Variants in UMAD1 observed in about 807,000 individuals in gnomAD.
The protein encoded by UMAD1 is UBAP1-MVB12-associated (UMA) domain containing 1.
A neutral mutation model predicts 6.1 loss-of-function variants in UMAD1; 8 were observed. The observed-to-expected ratio is 1.30, with a 90% CI of 0.76 to 2.35. The LOEUF is 2.35. Ranked by LOEUF, UMAD1 falls within the 30% of genes most tolerant of loss-of-function variation. UMAD1 has a pLI of 0.00. For synonymous variants in UMAD1, 56 were observed against 31.4 expected (o/e 1.78, Z -2.61); for missense variants, 130 against 78.4 (o/e 1.66, Z -2.49).
chr7:7,670,340 G>T (rs1262366107), intron 1 of UMAD1, among the ~76,000 whole-genome samples: 1 of 152,122 alleles, frequency 6.6e-6, no homozygotes, highest in Non-Finnish European at 1.5e-5. Context: ...GAGCCACTTC[G>T]TAAAGGGTCT....
intron 3 of UMAD1, among the ~76,000 whole-genome samples, chr7:7,819,683 G>A (rs906474581): frequency 6.6e-6 from 1 of 152,182 alleles, no homozygotes; most frequent in African/African-American, 2.4e-5. Context: ...TTCACATTCT[G>A]AAAAAGGTGA....
rs188831241 is a variant in UMAD1, at chr7:7,872,109, A to T, written c.157-5172A>T. ...AAAATAAAAAATAAAAAATAAAAAA[A>T]AAAAGAAGTTGTGTGTTTAGAAAGC... On this transcript the variant is annotated intron_variant, in intron 3 of 3. Transcript: ENST00000682710. 9.7e-4 allele frequency among the ~76,000 whole-genome samples: 147 copies of T among 152,274 alleles called. 1 individual carries two copies. The highest frequency in any genetic ancestry group is 3.0e-3 in the African/African-American group (126 of 41,546).
intron 2 of UMAD1, among the ~76,000 whole-genome samples, chr7:7,729,093 T>C (rs1036222280): frequency 1.3e-5 from 2 of 152,158 alleles, no homozygotes; most frequent in African/African-American, 4.8e-5. Context: ...GAAACGTGAA[T>C]GAGTTAACTG....
At chr7:7,790,808 G>T (rs970818055) in intron 2 of UMAD1, among the ~76,000 whole-genome samples, 1 of 152,124 alleles carries the variant, frequency 6.6e-6, no homozygotes, top group Non-Finnish European at 1.5e-5. Context: ...TCTTCATCTA[G>T]TTATCACATT....
chr7:7,805,884 T>A (rs200250656), intron 3 of UMAD1, among the ~76,000 whole-genome samples: 14,305 of 152,216 alleles, frequency 0.094, 765 homozygotes, highest in Non-Finnish European at 0.12. Flanking sequence ...TCCATTACAC[T>A]TAATCACTAT....
At chr7:7,859,425 C>G (rs1248981323) in intron 3 of UMAD1, among the ~76,000 whole-genome samples, 1 of 152,124 alleles carries the variant, frequency 6.6e-6, no homozygotes, top group African/African-American at 2.4e-5. Flanking sequence ...GAATATCTTT[C>G]TGAATTACGA....
intron 1 of UMAD1, among the ~76,000 whole-genome samples, chr7:7,654,700 C>T (rs775694041): frequency 2.6e-5 from 4 of 151,970 alleles, no homozygotes; most frequent in Admixed American, 2.0e-4. Flanking sequence ...GCTAGGAGTT[C>T]GAGACCAGCC....
chr7:7,742,442 T>G, intron 2 of UMAD1: 1 of 547,394 alleles, frequency 1.8e-6, no homozygotes, highest in Non-Finnish European at 3.6e-6. Flanking sequence ...CTTTCTTTTT[T>G]TCTTTTTCTT....
At chr7:7,690,117 G>C (rs1780139329) in intron 2 of UMAD1, among the ~76,000 whole-genome samples, 1 of 152,144 alleles carries the variant, frequency 6.6e-6, no homozygotes, top group South Asian at 2.1e-4. Context: ...ATATTAGGCA[G>C]GGATTCCTTT....
intron 3 of UMAD1, among the ~76,000 whole-genome samples, chr7:7,807,163 T>G (rs1249834188): frequency 1.3e-5 from 2 of 152,104 alleles, no homozygotes; most frequent in Non-Finnish European, 2.9e-5. Context: ...ATAAAATAAG[T>G]TCCTTACGCG....
At chr7:7,841,276 A>G (rs1382129486) in intron 3 of UMAD1, among the ~76,000 whole-genome samples, 2 of 151,884 alleles carry the variant, frequency 1.3e-5, no homozygotes, top group Admixed American at 1.3e-4. Context: ...GAAGAATGCA[A>G]GGAATTATAG....
chr7:7,817,510 C>T (rs557861468), intron 3 of UMAD1, among the ~76,000 whole-genome samples: 10 of 152,302 alleles, frequency 6.6e-5, no homozygotes, highest in African/African-American at 1.9e-4. Context: ...TTCATCTCTC[C>T]GAAGTGAATT....
chr7:7,703,192 A>G (rs1780511519), intron 2 of UMAD1, among the ~76,000 whole-genome samples: 1 of 152,198 alleles, frequency 6.6e-6, no homozygotes, highest in Non-Finnish European at 1.5e-5. Context: ...TGGTGATTAA[A>G]ATCCACTTGA....
At chr7:7,840,821 CA>C (rs772648254) in intron 3 of UMAD1, among the ~76,000 whole-genome samples, 3 of 151,974 alleles carry the variant, frequency 2.0e-5, no homozygotes, top group Non-Finnish European at 2.9e-5. Flanking sequence ...TAAAGTTTGG[CA>C]AAAAAGCTAG....
intron 2 of UMAD1, among the ~76,000 whole-genome samples, chr7:7,719,452 C>T (rs1780998411): frequency 6.6e-6 from 1 of 152,224 alleles, no homozygotes; most frequent in South Asian, 2.1e-4. Flanking sequence ...AAGCCAGCTT[C>T]AGCCTCATGA....
chr7:7,714,108 T>C (rs558347108), intron 2 of UMAD1, among the ~76,000 whole-genome samples: 1 of 152,380 alleles, frequency 6.6e-6, no homozygotes, highest in Admixed American at 6.5e-5. Context: ...AGATTTTTAA[T>C]TTAATGTCCT....
At position 7,860,792 on chromosome 7, in the gene UMAD1, C is replaced by A. The variant is rs1311296701; in HGVS notation, c.157-16489C>A. Among the ~76,000 whole-genome samples, 63 of 60,436 alleles carry A rather than the reference C, an allele frequency of 1.0e-3. 1 individual carries two copies. The highest frequency in any genetic ancestry group is 1.6e-3 in the Non-Finnish European group (46 of 29,014). 39.6% of individuals were successfully genotyped at this position (60,436 alleles called of 152,430 possible). ...TCCATCTCAAAAAAAAAAAAAATAA[C>A]AAAAAAAATAATAATAATAATAATT... On this transcript the variant is annotated intron_variant, in intron 3 of 3. Coordinates refer to ENST00000682710, the MANE Select transcript of UMAD1 (RefSeq NM_001302348.2).
chr7:7,689,094 C>A (rs1195617043), intron 2 of UMAD1, among the ~76,000 whole-genome samples: 1 of 152,058 alleles, frequency 6.6e-6, no homozygotes, highest in African/African-American at 2.4e-5. Flanking sequence ...AACCTTATTC[C>A]CAGCCCCAGA....
Position 7,731,084 on chromosome 7 carries a change from C to T in UMAD1, c.82+57631C>T, listed in dbSNP as rs144340699. 6.6e-3 allele frequency among the ~76,000 whole-genome samples: 1,010 copies of T among 152,208 alleles called. 13 individuals are homozygous for T. The highest frequency in any genetic ancestry group is 0.023 in the African/African-American group (961 of 41,518). ...ACCAATCTCGGCTCATTGCAACCTCCGCCTCCCGGGTTCCAGCAATTCTCC... is the reference window on the plus strand; with the variant it reads ...ACCAATCTCGGCTCATTGCAACCTCTGCCTCCCGGGTTCCAGCAATTCTCC... On this transcript the variant is annotated intron_variant, in intron 2 of 3. Transcript: ENST00000682710.
Sources: allele counts gnomAD v4.1 joint callset (sites outside exome capture counted in the v4.1 genomes callset), GRCh38; gene constraint gnomAD v4.1.1; transcripts MANE v1.5; gene names NCBI Gene and HGNC (gene_info 2026-07-23, HGNC 2026-07-21).